The following EXOC5 variants were observed in gnomAD, a reference collection of about 807,000 sequenced individuals.
EXOC5 encodes exocyst complex component 5.
A neutral mutation model predicts 90.8 loss-of-function variants in EXOC5; 17 were observed. That is an observed-to-expected ratio of 0.19 (90% CI 0.13 to 0.28). EXOC5 has a LOEUF of 0.28. Ranked by LOEUF, EXOC5 falls within the 10% of genes least tolerant of loss-of-function variation. EXOC5 has a pLI of 1.00. For synonymous variants in EXOC5, 260 were observed against 270.0 expected, an observed-to-expected ratio of 0.96 and a Z score of 0.36; for missense variants, 569 against 830.6, an observed-to-expected ratio of 0.69 and a Z score of 3.87.
In EXOC5 at chr14:57,208,759, A is replaced by C. The variant is rs538428661; in HGVS notation, c.1977T>G (p.Ala659=). ...MVLHLFDTLH[A]LCNLLVVAPD... ...GGGCAACTACCAGAAGATTGCAAAG[A>C]GCATGCAGAGTATCAAAAAGATGTA... Residue 659 remains alanine (A), a synonymous_variant, in exon 18 of 18, where the codon GCT becomes GCG. Coordinates refer to ENST00000621441, the MANE Select transcript of EXOC5 (RefSeq NM_006544.4). 1 of 1,609,312 alleles carries C rather than the reference A, an allele frequency of 6.2e-7. No homozygotes were observed. Among genetic ancestry groups the C allele is most frequent in the African/African-American group, 1.3e-5 (1 of 74,972 alleles).
intron 15 of EXOC5, among the ~76,000 whole-genome samples, chr14:57,215,716 T>G (rs1443801232): frequency 6.6e-6 from 1 of 152,124 alleles, no homozygotes; most frequent in African/African-American, 2.4e-5. Context: ...AATATCAAAG[T>G]GTGAAAAGCT....
At chr14:57,266,827 C>A (rs1456529891) in intron 1 of EXOC5, among the ~76,000 whole-genome samples, 8 of 151,446 alleles carry the variant, frequency 5.3e-5, no homozygotes, top group Non-Finnish European at 2.9e-5. Flanking sequence ...CACCTCCTCC[C>A]CTTCCCCGCT....
At chr14:57,254,827 G>C (rs1171325430) in intron 1 of EXOC5, among the ~76,000 whole-genome samples, 2 of 152,132 alleles carry the variant, frequency 1.3e-5, no homozygotes, top group Admixed American at 6.5e-5. Context: ...GTGCCTACAA[G>C]CTAAGAGAAG....
At chr14:57,228,670 A>G (rs1883384816) in intron 12 of EXOC5, among the ~76,000 whole-genome samples, 1 of 144,836 alleles carries the variant, frequency 6.9e-6, no homozygotes, top group South Asian at 2.4e-4. Flanking sequence ...ACACATGGAC[A>G]CAGGGAGGGG....
intron 4 of EXOC5, among the ~76,000 whole-genome samples, chr14:57,240,660 G>A (rs1189447660): frequency 6.6e-6 from 1 of 151,988 alleles, no homozygotes; most frequent in Non-Finnish European, 1.5e-5. Context: ...GCAGATATCT[G>A]TGCTTATTTA....
chr14:57,236,548 A>T (rs1186743156), intron 6 of EXOC5, among the ~76,000 whole-genome samples: 2 of 152,004 alleles, frequency 1.3e-5, no homozygotes, highest in African/African-American at 2.4e-5. Flanking sequence ...GGCCTCCCAA[A>T]GTGCTGGGAT....
intron 13 of EXOC5, among the ~76,000 whole-genome samples, chr14:57,222,029 C>T (rs1479555621): frequency 6.6e-6 from 1 of 152,058 alleles, no homozygotes; most frequent in Non-Finnish European, 1.5e-5. Flanking sequence ...TTTTGCTCCT[C>T]GACATTTTCT....
At chr14:57,231,765 G>A in intron 10 of EXOC5, 50 bp from the exon 11 acceptor site, 1 of 1,237,352 alleles carries the variant, frequency 8.1e-7, no homozygotes, top group Non-Finnish European at 1.1e-6. Flanking sequence ...TTTAGGTATA[G>A]TAACAATATT....
intron 15 of EXOC5, among the ~76,000 whole-genome samples, chr14:57,217,697 C>T (rs1883014651): frequency 6.6e-6 from 1 of 152,018 alleles, no homozygotes. Context: ...AAGTGTTCAA[C>T]TGAAAAACGT....
intron 13 of EXOC5, 90 bp downstream of exon 13, chr14:57,222,218 A>T: frequency 1.6e-6 from 1 of 609,664 alleles, no homozygotes; most frequent in South Asian, 2.7e-5. Flanking sequence ...TGAGACACAG[A>T]GATGATTATA....
Position 57,204,128 on chromosome 14 carries a change from G to A in EXOC5, c.*4481C>T, listed in dbSNP as rs1029275696. The A allele has an allele frequency of 3.3e-5, 5 of 152,082 alleles. No individual in the cohort carries two copies. The highest frequency in any genetic ancestry group is 1.2e-4 in the African/African-American group (5 of 41,432). 9.4% of individuals were successfully genotyped at this position (152,082 alleles called of 1,614,324 possible). A position where few individuals can be genotyped will look rare whatever the true frequency, so the allele number is the denominator to read the frequency against. On this transcript the variant is annotated 3_prime_UTR_variant, in exon 18 of 18. Transcript: ENST00000621441. ...TAATTACTCATCTTTCCCCCCAAAA[G>A]TCGATAATCACAAAACAAAGGTTAA...
intron 12 of EXOC5, among the ~76,000 whole-genome samples, chr14:57,228,597 C>T (rs1883382307): frequency 6.7e-6 from 1 of 150,144 alleles, no homozygotes; most frequent in African/African-American, 2.5e-5. Context: ...AGCAAACTAG[C>T]ACAGGAAGAG....
At chr14:57,255,048 C>T (rs940967097) in intron 1 of EXOC5, among the ~76,000 whole-genome samples, 1 of 152,060 alleles carries the variant, frequency 6.6e-6, no homozygotes, top group Non-Finnish European at 1.5e-5. Flanking sequence ...GAACATATAC[C>T]ATGAAAGAGG....
rs1251698300 is a variant in EXOC5, at chr14:57,209,556, T to C, written c.1938+11A>G. ...CCTATTTGCAAGTTTGATGTTTTTG[T>C]GTACACATACCTTGAAGTCTTTGGC... On this transcript the variant is annotated intron_variant, in intron 17 of 17. Transcript: ENST00000621441. 5 of 1,557,398 alleles carry C rather than the reference T, an allele frequency of 3.2e-6. No individual in the cohort carries two copies. The highest frequency in any genetic ancestry group is 1.4e-5 in the African/African-American group (1 of 72,670).
chr14:57,225,990 T>C (rs1451781187), intron 12 of EXOC5, among the ~76,000 whole-genome samples: 23 of 152,212 alleles, frequency 1.5e-4, no homozygotes, highest in Admixed American at 1.5e-3. Flanking sequence ...AGAGGAATAA[T>C]CACTTGTGCC....
chr14:57,268,489 C>A, intron 1 of EXOC5, 133 bp downstream of exon 1: 1 of 1,520,208 alleles, frequency 6.6e-7, no homozygotes, highest in Non-Finnish European at 8.8e-7. Flanking sequence ...GCTGCCACCC[C>A]AACCCTTCTG....
Position 57,203,747 on chromosome 14 carries a change from G to A in EXOC5, c.*4862C>T, listed in dbSNP as rs537646855. The stretch of plus-strand genomic sequence containing the variant: ...CTTTTAAATTAAAAGTGGCTCAGTT[G>A]GATACTGTCTCTTAAACACAGTAAT... On this transcript the variant is annotated 3_prime_UTR_variant, in exon 18 of 18. Coordinates refer to ENST00000621441, the MANE Select transcript of EXOC5 (RefSeq NM_006544.4). 12 of 152,540 alleles carry A rather than the reference G, an allele frequency of 7.9e-5. No homozygotes were observed. The East Asian group carries it at 2.1e-3, about 27-fold the overall frequency. The allele number at this position is 152,540 out of a possible 1,614,324, so 9.4% of individuals were successfully genotyped here.
chr14:57,242,579 T>C (rs1883902102), intron 4 of EXOC5, among the ~76,000 whole-genome samples: 2 of 151,972 alleles, frequency 1.3e-5, no homozygotes, highest in Admixed American at 1.3e-4. Flanking sequence ...AAAACAAAAA[T>C]GACTAGGGGG....
At position 57,205,624 on chromosome 14, in the gene EXOC5, A is replaced by C. The variant is rs2139601036; in HGVS notation, c.*2985T>G. On this transcript the variant is annotated 3_prime_UTR_variant, in exon 18 of 18. Coordinates refer to ENST00000621441, the MANE Select transcript of EXOC5 (RefSeq NM_006544.4). ...ATATTCACCATTACAGGTAAGAAAAACGCATTTTAGGGAAGCAGTGAATTC... is the reference window on the plus strand; with the variant it reads ...ATATTCACCATTACAGGTAAGAAAACCGCATTTTAGGGAAGCAGTGAATTC... 3.1e-6 allele frequency: 1 copy of C among 327,740 alleles called. No individual in the cohort carries two copies. The highest frequency in any genetic ancestry group is 2.6e-5 in the South Asian group (1 of 38,586). 20.3% of individuals were successfully genotyped at this position (327,740 alleles called of 1,614,324 possible).
Sources: allele counts gnomAD v4.1 joint callset (sites outside exome capture counted in the v4.1 genomes callset), GRCh38; gene constraint gnomAD v4.1.1; transcripts MANE v1.5; gene names NCBI Gene and HGNC (gene_info 2026-07-23, HGNC 2026-07-21).